Variants in LRIG1 observed in about 807,000 individuals in gnomAD.
The protein encoded by LRIG1 is leucine rich repeats and immunoglobulin like domains 1, also known as leucine-rich repeats and immunoglobulin-like domains protein 1.
A neutral mutation model predicts 99.2 loss-of-function variants in LRIG1; 48 were observed. The ratio of observed to expected loss-of-function variants is 0.48; its 90% CI spans 0.38 to 0.62. The LOEUF (loss-of-function observed/expected upper bound fraction) is 0.62, where lower values mean the gene tolerates loss of function less well. Ranked by LOEUF, LRIG1 falls within the 20% of genes least tolerant of loss-of-function variation. LRIG1 has a pLI of 0.00. For synonymous variants in LRIG1, 772 were observed against 596.1 expected (o/e 1.29, Z -4.30); for missense variants, 1,646 against 1,434.4 (o/e 1.15, Z -2.38).
Position 66,384,247 on chromosome 3 carries a change from G to A in LRIG1, c.1815C>T (p.Pro605=). The change falls in exon 14 of 19, where the codon CCC becomes CCT. Residue 605 remains proline (P), a synonymous_variant. Coordinates refer to ENST00000273261, the MANE Select transcript of LRIG1 (RefSeq NM_015541.3). ...VNVLPSFTKT[P]HDITIRTTTM... is the part of the protein sequence containing the mutation. ...TGGTGGTCCGGATGGTTATGTCGTG[G>A]GGCGTTTTGGTGAATGATGGCAACA... is the stretch of plus-strand genomic sequence containing the variant. 6.2e-7 allele frequency: 1 copy of A among 1,612,098 alleles called. No individual in the cohort carries two copies. The highest frequency in any genetic ancestry group is 8.5e-7 in the Non-Finnish European group (1 of 1,178,260).
Position 66,417,224 on chromosome 3 carries a change from C to G in LRIG1, c.408G>C (p.Lys136Asn), listed in dbSNP as rs777369095. ...KIRSVEGSQL[K>N]AYLSLEVLDL... ...CTAACACTTCTAAGGAAAGGTAGGC[C>G]TTCAGCTGGCTCCCCTCCACGCTGC... The change falls in exon 4 of 19, where the codon AAG becomes AAC. Residue 136 changes from lysine (K) to asparagine (N), a missense_variant. Lys to Asn is a moderately conservative substitution (Grantham distance 94). Coordinates refer to ENST00000273261, the MANE Select transcript of LRIG1 (RefSeq NM_015541.3). The G allele has an allele frequency of 1.2e-6, 2 of 1,614,162 alleles. No homozygotes were observed. Among genetic ancestry groups the G allele is most frequent in the Non-Finnish European group, 1.7e-6 (2 of 1,180,022 alleles).
intron 1 of LRIG1, among the ~76,000 whole-genome samples, chr3:66,474,072 T>A (rs149277681): frequency 4.6e-5 from 7 of 152,302 alleles, no homozygotes; most frequent in African/African-American, 1.7e-4. Flanking sequence ...GAAGTCAAGA[T>A]TCAAAAACCA....
At position 66,489,525 on chromosome 3, in the gene LRIG1, ATG is replaced by A. The variant is rs56128311; in HGVS notation, c.218+10663_218+10664del. 1.6e-3 allele frequency among the ~76,000 whole-genome samples: 245 copies of A among 150,380 alleles called. 3 individuals are homozygous for A. The East Asian group carries it at 0.027, about 17-fold the overall frequency. On this transcript the variant is annotated intron_variant, in intron 1 of 18. Coordinates refer to ENST00000273261, the MANE Select transcript of LRIG1 (RefSeq NM_015541.3). ...TGACAGAGTGGGACCCTTTGTGTGT[ATG>A]TGTGTGTGTGTGTGTGTGTGTGTGT... is the stretch of plus-strand genomic sequence containing the variant.
chr3:66,487,226 T>C (rs756185122), intron 1 of LRIG1, among the ~76,000 whole-genome samples: 8 of 152,340 alleles, frequency 5.3e-5, no homozygotes, highest in Admixed American at 2.6e-4. Context: ...TGACTTCTCA[T>C]TGAGGGGCCA....
rs1700881463 is a variant in LRIG1 at position 66,379,194 on chromosome 3, G to GC, written c.*1068dup. The GC allele has an allele frequency of 6.6e-6, 1 of 152,634 alleles. No homozygotes were observed. The highest frequency in any genetic ancestry group is 2.4e-5 in the African/African-American group (1 of 41,444). The allele number at this position is 152,634 out of a possible 1,614,324, so 9.5% of individuals were successfully genotyped here. A position where few individuals can be genotyped will look rare whatever the true frequency, so the allele number is the denominator to read the frequency against. On this transcript the variant is annotated 3_prime_UTR_variant, in exon 19 of 19. Coordinates refer to ENST00000273261, the MANE Select transcript of LRIG1 (RefSeq NM_015541.3). ...ATGGTTAGCTACCAGTCTCAAAAGT[G>GC]CAAATTATACCCAGAACCCAGGTCA...
At chr3:66,385,920 G>A (rs1701349888) in intron 13 of LRIG1, 61 bp downstream of exon 13, 1 of 1,442,030 alleles carries the variant, frequency 6.9e-7, no homozygotes, top group Non-Finnish European at 9.6e-7. Flanking sequence ...AAAGCTGAAA[G>A]GGCAATCAGG....
At chr3:66,393,954 C>A (rs1575655370) in intron 12 of LRIG1, 86 bp downstream of exon 12, 1 of 1,424,790 alleles carries the variant, frequency 7.0e-7, no homozygotes, top group East Asian at 2.4e-5. Context: ...TTACTCTGAT[C>A]ACAGGAATTA....
At chr3:66,494,263 A>G (rs1701178642) in intron 1 of LRIG1, among the ~76,000 whole-genome samples, 1 of 152,242 alleles carries the variant, frequency 6.6e-6, no homozygotes, top group Admixed American at 6.5e-5. Context: ...TCACACATGT[A>G]GCTGTAGACT....
chr3:66,454,475 G>C (rs997022256), intron 2 of LRIG1, among the ~76,000 whole-genome samples: 1 of 152,012 alleles, frequency 6.6e-6, no homozygotes, highest in African/African-American at 2.4e-5. Flanking sequence ...AAATATCTAC[G>C]ATTGTACAGT....
chr3:66,484,180 C>A (rs1265533895), intron 1 of LRIG1, among the ~76,000 whole-genome samples: 1 of 152,188 alleles, frequency 6.6e-6, no homozygotes, highest in African/African-American at 2.4e-5. Flanking sequence ...AGGAAATACA[C>A]AGATGAAGCC....
intron 11 of LRIG1, among the ~76,000 whole-genome samples, chr3:66,394,812 C>T (rs966372464): frequency 9.2e-5 from 14 of 152,276 alleles, no homozygotes; most frequent in Non-Finnish European, 1.5e-5. Context: ...CACTGTGCCA[C>T]CCTCTTGTTT....
Position 66,412,862 on chromosome 3 carries a change from C to T in LRIG1, c.791+9G>A, listed in dbSNP as rs116629943. On this transcript the variant is annotated intron_variant, in intron 6 of 18. Transcript: ENST00000273261. ...CCTTAGCAATGCCAGTAACCTGGTC[C>T]GCACTTACAGCACATGCATCTTGGA... The T allele has an allele frequency of 6.4e-3, 10,333 of 1,613,786 alleles. 465 individuals are homozygous for T. The African/African-American group carries it at 0.11, about 17-fold the overall frequency.
At chr3:66,448,898 G>GACA (rs1703810962) in intron 3 of LRIG1, among the ~76,000 whole-genome samples, 1 of 152,136 alleles carries the variant, frequency 6.6e-6, no homozygotes, top group African/African-American at 2.4e-5. Flanking sequence ...ACAGCCTCTG[G>GACA]GCCACAACTG....
At chr3:66,405,756 C>A in intron 8 of LRIG1, 1 of 1,161,220 alleles carries the variant, frequency 8.6e-7, no homozygotes, top group Non-Finnish European at 1.1e-6. Flanking sequence ...TCCGTACCAG[C>A]CAGTGGGTCT....
chr3:66,428,196 G>C (rs1703043831), intron 3 of LRIG1, among the ~76,000 whole-genome samples: 2 of 152,172 alleles, frequency 1.3e-5, no homozygotes, highest in South Asian at 4.1e-4. Context: ...CATTGAGCTT[G>C]CATATGTCTG....
At chr3:66,471,989 A>C (rs1700606469) in intron 1 of LRIG1, among the ~76,000 whole-genome samples, 1 of 152,158 alleles carries the variant, frequency 6.6e-6, no homozygotes, top group Non-Finnish European at 1.5e-5. Context: ...GTGTTTCTGA[A>C]AATGTGATGC....
chr3:66,474,205 A>T (rs969349999), intron 1 of LRIG1, among the ~76,000 whole-genome samples: 1 of 152,210 alleles, frequency 6.6e-6, no homozygotes, highest in East Asian at 1.9e-4. Context: ...ATCCTTGAAC[A>T]TACTAAAATT....
chr3:66,410,054 C>T (rs1702413471), intron 7 of LRIG1, 75 bp downstream of exon 7: 9 of 1,480,524 alleles, frequency 6.1e-6, no homozygotes, highest in Middle Eastern at 1.9e-4. Flanking sequence ...TGTGGTGGAA[C>T]GAACCAGGCC....
intron 1 of LRIG1, among the ~76,000 whole-genome samples, chr3:66,499,480 A>G (rs1701304367): frequency 6.6e-6 from 1 of 152,194 alleles, no homozygotes; most frequent in South Asian, 2.1e-4. Context: ...AAGGGTCTGG[A>G]ACACAGTTCC....
Sources: allele counts gnomAD v4.1 joint callset (sites outside exome capture counted in the v4.1 genomes callset), GRCh38; gene constraint gnomAD v4.1.1; transcripts MANE v1.5; gene names NCBI Gene and HGNC (gene_info 2026-07-23, HGNC 2026-07-21).